Variants in CNTN5 observed in about 807,000 individuals in gnomAD.
CNTN5 encodes contactin 5, also known as contactin-5.
Under a neutral mutation model 129.1 loss-of-function variants are expected in CNTN5, and 77 were observed. That is an observed-to-expected ratio of 0.60 (90% CI 0.50 to 0.72). The LOEUF (loss-of-function observed/expected upper bound fraction) is 0.72, where lower values mean the gene tolerates loss of function less well. CNTN5 is among the 30% of genes least tolerant of loss of function. The pLI is 0.00. For synonymous variants in CNTN5, 509 were observed against 465.6 expected (o/e 1.09, Z -1.20); for missense variants, 1,478 against 1,328.8 (o/e 1.11, Z -1.75).
chr11:99,694,466 CAAGT>C (rs1430959150), intron 3 of CNTN5, among the ~76,000 whole-genome samples: 1 of 152,100 alleles, frequency 6.6e-6, no homozygotes, highest in Non-Finnish European at 1.5e-5. Context: ...GCACAGTCTT[CAAGT>C]AAGTGAGTAA....
chr11:99,382,844 A>ATTTTTTTTTTTTTTTTTTTTTTTT (rs774797660), intron 2 of CNTN5, among the ~76,000 whole-genome samples: 4 of 69,390 alleles, frequency 5.8e-5, no homozygotes, highest in African/African-American at 2.9e-4. Context: ...TCTCTAAATA[A>ATTTTTTTTTTTTTTTTTTTTTTTT]CTTTTTTTTT....
intron 1 of CNTN5, among the ~76,000 whole-genome samples, chr11:99,207,679 A>T (rs1472048039): frequency 6.6e-6 from 1 of 152,210 alleles, no homozygotes. Context: ...AAAACATCAA[A>T]AAATAATTTT....
chr11:99,631,561 G>T (rs1424825041), intron 3 of CNTN5, among the ~76,000 whole-genome samples: 2 of 151,928 alleles, frequency 1.3e-5, no homozygotes, highest in African/African-American at 4.8e-5. Flanking sequence ...TTTTAATTCA[G>T]TTGTATTTAC....
chr11:100,095,302 A>G (rs527444146), intron 13 of CNTN5, among the ~76,000 whole-genome samples: 1 of 152,230 alleles, frequency 6.6e-6, no homozygotes, highest in African/African-American at 2.4e-5. Context: ...TTCTCTTTTT[A>G]TTAAAAATTA....
At chr11:99,288,921 T>C (rs535716521) in intron 1 of CNTN5, among the ~76,000 whole-genome samples, 1 of 152,004 alleles carries the variant, frequency 6.6e-6, no homozygotes, top group African/African-American at 2.4e-5. Flanking sequence ...GAAGCATCTT[T>C]ACTGGGACTT....
At chr11:99,771,946 A>G (rs997892315) in intron 3 of CNTN5, among the ~76,000 whole-genome samples, 2 of 151,926 alleles carry the variant, frequency 1.3e-5, no homozygotes, top group African/African-American at 4.8e-5. Flanking sequence ...TGCTTTACCC[A>G]TGAGTGTCTG....
At chr11:99,846,559 C>A (rs1947705675) in intron 6 of CNTN5, among the ~76,000 whole-genome samples, 1 of 151,648 alleles carries the variant, frequency 6.6e-6, no homozygotes, top group Non-Finnish European at 1.5e-5. Flanking sequence ...CTAAAAAATA[C>A]TGAGAAAGAC....
rs541217077 is a variant in CNTN5, at chr11:99,547,113, C to G, written c.-70-9032C>G. Reference sequence around the variant, plus strand: ...CCACTCCCTGGGTTCAAGCGATTCTCCTGCCTCAGCCTCCCAAGTAGCTGG... The same window carrying G: ...CCACTCCCTGGGTTCAAGCGATTCTGCTGCCTCAGCCTCCCAAGTAGCTGG... On this transcript the variant is annotated intron_variant, in intron 2 of 24. Transcript: ENST00000524871. 2.2e-3 allele frequency among the ~76,000 whole-genome samples: 325 copies of G among 150,790 alleles called. 4 individuals are homozygous for G. Among genetic ancestry groups the G allele is most frequent in the Admixed American group, 2.8e-3 (42 of 15,046 alleles).
At chr11:99,303,866 A>C (rs1010653700) in intron 1 of CNTN5, among the ~76,000 whole-genome samples, 1 of 152,142 alleles carries the variant, frequency 6.6e-6, no homozygotes, top group Non-Finnish European at 1.5e-5. Context: ...TCTTCTTTGA[A>C]GATTATATTA....
intron 4 of CNTN5, chr11:99,844,475 G>A (rs371708116): frequency 3.5e-6 from 1 of 287,758 alleles, no homozygotes; most frequent in Non-Finnish European, 6.6e-6. Flanking sequence ...ACTTTTGCGT[G>A]TGTATTATTT....
At chr11:99,798,559 G>A (rs1468029745) in intron 3 of CNTN5, among the ~76,000 whole-genome samples, 1 of 152,030 alleles carries the variant, frequency 6.6e-6, no homozygotes, top group Non-Finnish European at 1.5e-5. Flanking sequence ...TGACTTTGTT[G>A]AAGATTAGAT....
At chr11:99,135,427 G>A (rs901172152) in intron 1 of CNTN5, among the ~76,000 whole-genome samples, 1 of 152,082 alleles carries the variant, frequency 6.6e-6, no homozygotes, top group Non-Finnish European at 1.5e-5. Flanking sequence ...AGAAGAAATA[G>A]CAAGTACAAA....
At chr11:99,064,211 C>A (rs1318448547) in intron 1 of CNTN5, among the ~76,000 whole-genome samples, 2 of 152,128 alleles carry the variant, frequency 1.3e-5, no homozygotes, top group African/African-American at 4.8e-5. Context: ...ACATCATTTT[C>A]ACTCTTCTGT....
chr11:99,843,469 C>T (rs1218075293), intron 4 of CNTN5, among the ~76,000 whole-genome samples: 1 of 151,914 alleles, frequency 6.6e-6, no homozygotes, highest in Non-Finnish European at 1.5e-5. Flanking sequence ...GCTCAAATTT[C>T]CTGGAACATT....
chr11:99,761,462 G>A (rs1227184675), intron 3 of CNTN5, among the ~76,000 whole-genome samples: 1 of 151,830 alleles, frequency 6.6e-6, no homozygotes. Context: ...TCCCCTTCGT[G>A]TGTCCATGTG....
rs76591812 is a variant in CNTN5, at chr11:99,731,990, T to C, written c.56-87554T>C. ...AGATATAATGTATATAAATGCCCATTTGAGATTAGAATCATAATTTTAATG... is the reference window on the plus strand; with the variant it reads ...AGATATAATGTATATAAATGCCCATCTGAGATTAGAATCATAATTTTAATG... On this transcript the variant is annotated intron_variant, in intron 3 of 24. Transcript: ENST00000524871. Among the ~76,000 whole-genome samples the C allele has an allele frequency of 9.4e-3, 1,438 of 152,310 alleles. 54 individuals carry two copies. In the East Asian group the frequency reaches 0.12, roughly 13 times the overall value.
intron 9 of CNTN5, among the ~76,000 whole-genome samples, chr11:100,039,261 G>A (rs1942232376): frequency 6.6e-6 from 1 of 152,116 alleles, no homozygotes; most frequent in African/African-American, 2.4e-5. Flanking sequence ...ATTCTAGGTT[G>A]AAAATTCTTT....
At chr11:99,669,757 C>T (rs1300294233) in intron 3 of CNTN5, among the ~76,000 whole-genome samples, 1 of 152,088 alleles carries the variant, frequency 6.6e-6, no homozygotes, top group Non-Finnish European at 1.5e-5. Flanking sequence ...TGATTCTGAT[C>T]TACTTCTTTA....
intron 2 of CNTN5, among the ~76,000 whole-genome samples, chr11:99,364,473 T>A (rs1336151882): frequency 6.6e-6 from 1 of 152,112 alleles, no homozygotes; most frequent in Non-Finnish European, 1.5e-5. Flanking sequence ...TCCAGGCTCT[T>A]ATCTAAAATT....
Sources: allele counts gnomAD v4.1 joint callset (sites outside exome capture counted in the v4.1 genomes callset), GRCh38; gene constraint gnomAD v4.1.1; transcripts MANE v1.5; gene names NCBI Gene and HGNC (gene_info 2026-07-23, HGNC 2026-07-21).